MACROD2: variants seen among roughly 807,000 people sequenced by gnomAD.
The protein encoded by MACROD2 is ADP-ribose glycohydrolase MACROD2.
MACROD2 carries 36 observed loss-of-function variants against 70.4 expected under a neutral mutation model. The observed-to-expected ratio is 0.51, with a 90% CI of 0.39 to 0.68. The LOEUF is 0.68. Among genes scored for constraint, MACROD2 ranks in the 30% least tolerant of loss-of-function variants. The pLI, the probability that MACROD2 is intolerant of heterozygous loss-of-function variation, is 0.00. For synonymous variants in MACROD2, 172 were observed against 178.8 expected, an observed-to-expected ratio of 0.96 and a Z score of 0.30; for missense variants, 496 against 538.4, an observed-to-expected ratio of 0.92 and a Z score of 0.78.
chr20:15,996,202 A>G (rs1382624489), intron 15 of MACROD2, among the ~76,000 whole-genome samples: 3 of 152,064 alleles, frequency 2.0e-5, no homozygotes, highest in African/African-American at 7.2e-5. Flanking sequence ...AACTCTCCCT[A>G]ACAAGTGTAA....
chr20:15,034,568 T>G (rs1279623052), intron 5 of MACROD2, among the ~76,000 whole-genome samples: 4 of 152,152 alleles, frequency 2.6e-5, no homozygotes, highest in African/African-American at 9.7e-5. Flanking sequence ...AAGTGATTTA[T>G]TAGCAAGAGA....
chr20:14,473,982 T>G (rs1368359966), intron 3 of MACROD2, among the ~76,000 whole-genome samples: 1 of 152,062 alleles, frequency 6.6e-6, no homozygotes, highest in African/African-American at 2.4e-5. Context: ...CTTTTGCCCA[T>G]TTTATAGTTG....
At chr20:15,130,770 C>T (rs2076099097) in intron 5 of MACROD2, among the ~76,000 whole-genome samples, 1 of 152,000 alleles carries the variant, frequency 6.6e-6, no homozygotes, top group Admixed American at 6.6e-5. Context: ...TGCCTATTGC[C>T]TTAATGCCTT....
At chr20:15,081,967 G>A (rs941728539) in intron 5 of MACROD2, among the ~76,000 whole-genome samples, 1 of 152,150 alleles carries the variant, frequency 6.6e-6, no homozygotes, top group Non-Finnish European at 1.5e-5. Flanking sequence ...AGTCCAGGAG[G>A]TATGAAAATG....
At chr20:16,005,143 A>G (rs985611511) in intron 15 of MACROD2, among the ~76,000 whole-genome samples, 13 of 152,324 alleles carry the variant, frequency 8.5e-5, no homozygotes, top group Admixed American at 2.0e-4. Context: ...GTGAAAGAAG[A>G]TGGCATTCTC....
At chr20:15,717,717 A>C (rs1183064945) in intron 8 of MACROD2, among the ~76,000 whole-genome samples, 7 of 152,048 alleles carry the variant, frequency 4.6e-5, no homozygotes, top group Admixed American at 2.0e-4. Context: ...CTGAGAATTG[A>C]CCCTTGCATT....
At chr20:14,990,463 T>C (rs1304373988) in intron 5 of MACROD2, among the ~76,000 whole-genome samples, 1 of 151,776 alleles carries the variant, frequency 6.6e-6, no homozygotes, top group Non-Finnish European at 1.5e-5. Context: ...CCCTTGTTTC[T>C]TCCAAGGACC....
At chr20:14,848,471 T>C (rs1389175852) in intron 5 of MACROD2, among the ~76,000 whole-genome samples, 1 of 152,084 alleles carries the variant, frequency 6.6e-6, no homozygotes, top group Non-Finnish European at 1.5e-5. Context: ...GAGTATGCTG[T>C]TTTTATTTAA....
At chr20:16,001,480 G>A (rs1370147272) in intron 15 of MACROD2, among the ~76,000 whole-genome samples, 1 of 152,190 alleles carries the variant, frequency 6.6e-6, no homozygotes, top group Non-Finnish European at 1.5e-5. Flanking sequence ...TTGTCGAGAT[G>A]AATCAGTCAC....
intron 5 of MACROD2, among the ~76,000 whole-genome samples, chr20:15,226,579 G>C (rs551582263): frequency 2.6e-5 from 4 of 152,098 alleles, no homozygotes; most frequent in African/African-American, 7.2e-5. Flanking sequence ...TATAATAGCT[G>C]TTTGTCTCTA....
intron 10 of MACROD2, among the ~76,000 whole-genome samples, chr20:15,926,360 G>A (rs1415869504): frequency 6.6e-6 from 1 of 152,138 alleles, no homozygotes; most frequent in African/African-American, 2.4e-5. Context: ...TTCATTAACT[G>A]GAGAATATTT....
intron 3 of MACROD2, among the ~76,000 whole-genome samples, chr20:14,172,224 A>C (rs1293639083): frequency 6.6e-6 from 1 of 150,410 alleles, no homozygotes. Context: ...AGTTTATGTG[A>C]GTCCTTTTTG....
chr20:15,028,070 C>T (rs2075247200), intron 5 of MACROD2, among the ~76,000 whole-genome samples: 1 of 152,160 alleles, frequency 6.6e-6, no homozygotes, highest in South Asian at 2.1e-4. Context: ...AAGATCCTGG[C>T]CCATATATTC....
At chr20:14,130,020 G>A (rs2054697856) in intron 3 of MACROD2, among the ~76,000 whole-genome samples, 3 of 152,080 alleles carry the variant, frequency 2.0e-5, no homozygotes. Context: ...TATCTTTGAG[G>A]TATGCCTGTA....
intron 3 of MACROD2, among the ~76,000 whole-genome samples, chr20:14,143,351 A>G (rs2054901651): frequency 6.6e-6 from 1 of 152,166 alleles, no homozygotes; most frequent in African/African-American, 2.4e-5. Flanking sequence ...CTTTAAGCAA[A>G]CAGTGTTTGT....
intron 3 of MACROD2, among the ~76,000 whole-genome samples, chr20:14,485,367 T>C (rs538407431): frequency 6.6e-6 from 1 of 152,310 alleles, no homozygotes; most frequent in African/African-American, 2.4e-5. Flanking sequence ...AAATTTATTT[T>C]TGTCATAACC....
intron 5 of MACROD2, among the ~76,000 whole-genome samples, chr20:15,055,023 C>T (rs2075473369): frequency 6.9e-6 from 1 of 144,746 alleles, no homozygotes; most frequent in Non-Finnish European, 1.5e-5. Flanking sequence ...GATCTTGGCT[C>T]CCTGCAACCT....
At chr20:15,588,187 G>A (rs1488486355) in intron 8 of MACROD2, among the ~76,000 whole-genome samples, 1 of 152,186 alleles carries the variant, frequency 6.6e-6, no homozygotes, top group East Asian at 1.9e-4. Flanking sequence ...AAGGGTTGGG[G>A]CTTCCACACT....
intron 4 of MACROD2, among the ~76,000 whole-genome samples, chr20:14,543,766 A>T (rs2085460333): frequency 6.6e-6 from 1 of 152,216 alleles, no homozygotes; most frequent in Non-Finnish European, 1.5e-5. Context: ...ACGTTACAAT[A>T]TCAGATGTCT....
Sources: allele counts gnomAD v4.1 joint callset (sites outside exome capture counted in the v4.1 genomes callset), GRCh38; gene constraint gnomAD v4.1.1; transcripts MANE v1.5; gene names NCBI Gene and HGNC (gene_info 2026-07-23, HGNC 2026-07-21).